The following SLC25A26 variants were observed in gnomAD, a reference collection of about 807,000 sequenced individuals.
SLC25A26 encodes the protein mitochondrial S-adenosylmethionine carrier protein.
In SLC25A26, 36 loss-of-function variants were observed where a neutral mutation model predicts 37.8. The observed-to-expected ratio is 0.95, with a 90% confidence interval of 0.73 to 1.26. SLC25A26 has a LOEUF of 1.26. Ranked by LOEUF, SLC25A26 falls within the 50% of genes most tolerant of loss-of-function variation. The probability of loss-of-function intolerance (pLI) is 0.00; values close to 1 mark genes in which losing one functional copy is unlikely to be tolerated. For missense variants in SLC25A26, 390 were observed against 331.1 expected, an observed-to-expected ratio of 1.18 and a Z score of -1.38; for synonymous variants, 129 against 122.5, an observed-to-expected ratio of 1.05 and a Z score of -0.35.
intron 9 of SLC25A26, chr3:66,371,388 T>C: frequency 7.2e-6 from 11 of 1,521,772 alleles, no homozygotes; most frequent in Non-Finnish European, 9.8e-6. Flanking sequence ...TCTCAGCTAT[T>C]TGATGATCTG....
chr3:66,201,349 T>G (rs1211886771), intron 1 of SLC25A26, among the ~76,000 whole-genome samples: 2 of 151,908 alleles, frequency 1.3e-5, no homozygotes, highest in Non-Finnish European at 2.9e-5. Context: ...TATATATAAT[T>G]TTTTTTAAAG....
Position 66,230,766 on chromosome 3 carries a change from T to C in SLC25A26, c.34-5778T>C, listed in dbSNP as rs192806040. On this transcript the variant is annotated intron_variant, in intron 1 of 9. Transcript: ENST00000354883. ...GTTGCAGTGAGCCGAGATCGTGCCA[T>C]TGTACTCCAGCCTGGGCAACAAGAG... 2.1e-3 allele frequency among the ~76,000 whole-genome samples: 285 copies of C among 135,664 alleles called. 1 individual carries two copies. The highest frequency in any genetic ancestry group is 4.1e-3 in the Admixed American group (53 of 12,788). The allele number at this position is 135,664 out of a possible 152,430, so 89.0% of individuals were successfully genotyped here. A position where few individuals can be genotyped will look rare whatever the true frequency, so the allele number is the denominator to read the frequency against.
At chr3:66,161,509 A>T (rs2070359584) in intron 1 of SLC25A26, among the ~76,000 whole-genome samples, 1 of 152,222 alleles carries the variant, frequency 6.6e-6, no homozygotes, top group Non-Finnish European at 1.5e-5. Flanking sequence ...CTGCTAATGA[A>T]TCCAGGGTCA....
chr3:66,160,241 C>G (rs913346878), intron 1 of SLC25A26, among the ~76,000 whole-genome samples: 2 of 152,194 alleles, frequency 1.3e-5, no homozygotes, highest in African/African-American at 4.8e-5. Flanking sequence ...CTGCCTGCCT[C>G]AGCATGCCAA....
intron 5 of SLC25A26, among the ~76,000 whole-genome samples, chr3:66,295,071 C>A (rs562338686): frequency 9.9e-5 from 15 of 152,266 alleles, no homozygotes; most frequent in Non-Finnish European, 2.2e-4. Context: ...GTTGATTTAT[C>A]TCATGCAAAT....
At chr3:66,335,441 T>G (rs1247023752) in intron 5 of SLC25A26, among the ~76,000 whole-genome samples, 1 of 152,214 alleles carries the variant, frequency 6.6e-6, no homozygotes, top group Non-Finnish European at 1.5e-5. Context: ...ATAATTGATA[T>G]TCACTTTTCT....
intron 4 of SLC25A26, 30 bp downstream of exon 4, chr3:66,262,185 C>G (rs901187325): frequency 1.0e-5 from 12 of 1,205,322 alleles, no homozygotes; most frequent in East Asian, 2.6e-5. Context: ...CTCTTCTTTT[C>G]TTTATTAAGA....
intron 1 of SLC25A26, among the ~76,000 whole-genome samples, chr3:66,154,389 T>A (rs1028223311): frequency 3.3e-5 from 5 of 152,042 alleles, no homozygotes; most frequent in African/African-American, 9.7e-5. Context: ...TTCTGCAGGG[T>A]TGTACGATGT....
intron 6 of SLC25A26, among the ~76,000 whole-genome samples, chr3:66,351,176 G>A (rs1314538201): frequency 6.6e-6 from 1 of 152,086 alleles, no homozygotes; most frequent in Non-Finnish European, 1.5e-5. Context: ...CCGTCAGAGT[G>A]GCACCCAACT....
intron 1 of SLC25A26, among the ~76,000 whole-genome samples, chr3:66,202,602 A>G (rs2106815876): frequency 6.6e-6 from 1 of 152,186 alleles, no homozygotes; most frequent in South Asian, 2.1e-4. Flanking sequence ...AGATGTCCCA[A>G]GCTTGCTTCG....
chr3:66,162,355 T>A (rs2070371251), intron 1 of SLC25A26, among the ~76,000 whole-genome samples: 1 of 150,972 alleles, frequency 6.6e-6, no homozygotes, highest in Non-Finnish European at 1.5e-5. Flanking sequence ...TTTTTTTTTT[T>A]TTTTTGTGGT....
At chr3:66,296,231 C>T (rs2074898680) in intron 5 of SLC25A26, among the ~76,000 whole-genome samples, 3 of 152,176 alleles carry the variant, frequency 2.0e-5, no homozygotes, top group Non-Finnish European at 2.9e-5. Flanking sequence ...TTCAAAGAAG[C>T]ATGTGGACAG....
At chr3:66,164,767 T>C (rs1032539154) in intron 1 of SLC25A26, among the ~76,000 whole-genome samples, 5 of 152,178 alleles carry the variant, frequency 3.3e-5, no homozygotes, top group Non-Finnish European at 5.9e-5. Context: ...CTGTGGGCCA[T>C]AGTTTGCTGA....
intron 1 of SLC25A26, among the ~76,000 whole-genome samples, chr3:66,169,667 A>T (rs1049258253): frequency 6.6e-6 from 1 of 152,190 alleles, no homozygotes; most frequent in Non-Finnish European, 1.5e-5. Context: ...AACAATGTCA[A>T]ATGTATACTA....
intron 1 of SLC25A26, among the ~76,000 whole-genome samples, chr3:66,203,464 C>T (rs1418745428): frequency 6.6e-6 from 1 of 151,386 alleles, no homozygotes; most frequent in African/African-American, 2.4e-5. Context: ...AGAAAAAATA[C>T]AAAAACTGCT....
At chr3:66,311,238 T>G (rs1243381828) in intron 5 of SLC25A26, among the ~76,000 whole-genome samples, 2 of 152,082 alleles carry the variant, frequency 1.3e-5, no homozygotes, top group African/African-American at 4.8e-5. Context: ...TTTCATTAAG[T>G]TGATCTTCAG....
chr3:66,157,540 A>T (rs534783339), intron 1 of SLC25A26, among the ~76,000 whole-genome samples: 1 of 152,238 alleles, frequency 6.6e-6, no homozygotes, highest in African/African-American at 2.4e-5. Flanking sequence ...ATCACACATA[A>T]AGCTTCTATA....
intron 2 of SLC25A26, among the ~76,000 whole-genome samples, chr3:66,241,780 T>G (rs1415952138): frequency 1.3e-5 from 2 of 152,190 alleles, no homozygotes; most frequent in Non-Finnish European, 2.9e-5. Context: ...TGTGGATGTT[T>G]TTGTAAACCT....
chr3:66,157,235 A>T (rs1200493486), intron 1 of SLC25A26, among the ~76,000 whole-genome samples: 8 of 152,174 alleles, frequency 5.3e-5, no homozygotes, highest in Admixed American at 5.2e-4. Flanking sequence ...CCCTGTCTCA[A>T]AAGAGAAGAA....
Sources: gnomAD v4.1 joint callset for allele counts (sites outside exome capture counted in the v4.1 genomes callset) on GRCh38, gnomAD v4.1.1 for gene constraint, MANE v1.5 for transcripts, NCBI Gene and HGNC (gene_info 2026-07-23, HGNC 2026-07-21) for gene names.